The following AGAP1 variants were observed in gnomAD, a reference collection of about 807,000 sequenced individuals.
AGAP1 encodes the protein ArfGAP with GTPase domain, ankyrin repeat and PH domain 1.
AGAP1 carries 29 observed loss-of-function variants against 105.3 expected under a neutral mutation model. The observed-to-expected ratio is 0.28, with a 90% CI of 0.21 to 0.38. The LOEUF is 0.38. Ranked by LOEUF, AGAP1 falls within the 10% of genes least tolerant of loss-of-function variation. AGAP1 has a pLI of 1.00. For synonymous variants in AGAP1, 509 were observed against 485.9 expected, an observed-to-expected ratio of 1.05 and a Z score of -0.63; for missense variants, 998 against 1,165.1, an observed-to-expected ratio of 0.86 and a Z score of 2.09.
intron 11 of AGAP1, among the ~76,000 whole-genome samples, chr2:235,909,525 G>A (rs564548116): frequency 1.3e-5 from 2 of 152,148 alleles, no homozygotes; most frequent in African/African-American, 4.8e-5. Context: ...TTTTATTTAC[G>A]TTTTTGCAAA....
At chr2:235,707,472 A>AACC (rs1950593577) in intron 1 of AGAP1, among the ~76,000 whole-genome samples, 1 of 22,408 alleles carries the variant, frequency 4.5e-5, no homozygotes. Flanking sequence ...CCTCCCCATG[A>AACC]CCCCCCCCCC....
rs1310791906 is a variant in AGAP1, at chr2:235,842,992, G to C, written c.1050+35661G>C. 6.6e-6 allele frequency among the ~76,000 whole-genome samples: 1 copy of C among 152,232 alleles called. No individual in the cohort carries two copies. Among genetic ancestry groups the C allele is most frequent in the African/African-American group, 2.4e-5 (1 of 41,458 alleles). The stretch of plus-strand genomic sequence containing the variant: ...TCGGCCCGCCTCGGCCTCCCAAAGT[G>C]CTGGAGTTACAGGCGTTAGCTGCCG... On this transcript the variant is annotated intron_variant, in intron 9 of 17. Transcript: ENST00000304032. The surrounding 1 kb of genome is among the most constrained non-coding windows in gnomAD (Gnocchi z 5.3).
Position 235,930,976 on chromosome 2 carries a change from G to A in AGAP1, c.1483+53G>A. On this transcript the variant is annotated intron_variant, in intron 12 of 17. Transcript: ENST00000304032. This position sits in a 1 kb window ranked among gnomAD's most constrained non-coding sequence, Gnocchi z 7.9. ...CGCAGCCACCTCAAGGTCCTTCGTTGTAAGCCAGGGGCTGGACAGGACGCC... is the reference window on the plus strand; with the variant it reads ...CGCAGCCACCTCAAGGTCCTTCGTTATAAGCCAGGGGCTGGACAGGACGCC... The A allele has an allele frequency of 6.3e-7, 1 of 1,587,326 alleles. No homozygotes were observed. The highest frequency in any genetic ancestry group is 8.6e-7 in the Non-Finnish European group (1 of 1,165,914).
intron 13 of AGAP1, among the ~76,000 whole-genome samples, chr2:236,004,413 G>C (rs1420257731): frequency 6.6e-6 from 1 of 152,140 alleles, no homozygotes; most frequent in Non-Finnish European, 1.5e-5. Flanking sequence ...GCTCATTTCT[G>C]ATCATTAAAA....
In AGAP1 at chr2:236,003,465, G is replaced by A. The variant is rs141254471; in HGVS notation, c.1646-33096G>A. Among the ~76,000 whole-genome samples, 186 of 152,316 alleles carry A rather than the reference G, an allele frequency of 1.2e-3. 3 individuals carry two copies. The East Asian group carries it at 0.03, about 24-fold the overall frequency. On this transcript the variant is annotated intron_variant, in intron 13 of 17. Transcript: ENST00000304032. The surrounding 1 kb of genome is among the most constrained non-coding windows in gnomAD (Gnocchi z 4.2). The stretch of plus-strand genomic sequence containing the variant: ...TACCCACCTCTGTGTGTGGTCGCAC[G>A]TCCTCCTCATGGCCACGCTGGGATG...
intron 13 of AGAP1, among the ~76,000 whole-genome samples, chr2:236,010,892 A>G (rs1262795244): frequency 6.6e-6 from 1 of 152,174 alleles, no homozygotes; most frequent in Non-Finnish European, 1.5e-5. Context: ...AAAAAAGTAC[A>G]AAAAATTAGT....
chr2:235,738,183 T>C, intron 3 of AGAP1, among the ~76,000 whole-genome samples: 1 of 152,054 alleles, frequency 6.6e-6, no homozygotes, highest in South Asian at 2.1e-4. Context: ...GTGGGTGATT[T>C]CAATGAATGT....
rs1408867680 is a variant in AGAP1, at chr2:236,001,523, G to A, written c.1645+32900G>A. On this transcript the variant is annotated intron_variant, in intron 13 of 17. Coordinates refer to ENST00000304032, the MANE Select transcript of AGAP1 (RefSeq NM_001037131.3). The surrounding 1 kb of genome is among the most constrained non-coding windows in gnomAD (Gnocchi z 4.7). Reference sequence around the variant, plus strand: ...GCAGTGGTGACAGTGGCTTCCCCAGGCATCAGCGCCACAGGAGGAGAGACA... The same window carrying A: ...GCAGTGGTGACAGTGGCTTCCCCAGACATCAGCGCCACAGGAGGAGAGACA... 6.6e-6 allele frequency among the ~76,000 whole-genome samples: 1 copy of A among 152,144 alleles called. No individual in the cohort carries two copies. The highest frequency in any genetic ancestry group is 1.5e-5 in the Non-Finnish European group (1 of 68,020).
chr2:235,604,745 G>A (rs1234971288), intron 1 of AGAP1, among the ~76,000 whole-genome samples: 1 of 151,296 alleles, frequency 6.6e-6, no homozygotes, highest in Admixed American at 6.6e-5. Flanking sequence ...ACCACGCCTG[G>A]CTAATTTTTT....
intron 1 of AGAP1, among the ~76,000 whole-genome samples, chr2:235,567,806 T>C (rs1479301382): frequency 6.6e-6 from 1 of 151,358 alleles, no homozygotes; most frequent in Non-Finnish European, 1.5e-5. Flanking sequence ...GGTCTGGGCC[T>C]GTAGGGGAAG....
In AGAP1 at chr2:235,663,009, G is replaced by C. The variant is rs1179016708; in HGVS notation, c.164-46170G>C. On this transcript the variant is annotated intron_variant, in intron 1 of 17. Coordinates refer to ENST00000304032, the MANE Select transcript of AGAP1 (RefSeq NM_001037131.3). The surrounding 1 kb of genome is among the most constrained non-coding windows in gnomAD (Gnocchi z 5.4). The stretch of plus-strand genomic sequence containing the variant: ...TTTTCCTTCAAGCCTGGGGAACACC[G>C]AGCTAGGGACACGCTGGCTAATAGA... Among the ~76,000 whole-genome samples the C allele has an allele frequency of 1.3e-5, 2 of 152,152 alleles. No homozygotes were observed. The highest frequency in any genetic ancestry group is 2.9e-5 in the Non-Finnish European group (2 of 68,018).
chr2:235,706,198 ATTTAT>A (rs1024077022), intron 1 of AGAP1, among the ~76,000 whole-genome samples: 2 of 152,012 alleles, frequency 1.3e-5, no homozygotes, highest in Non-Finnish European at 2.9e-5. Context: ...GCATATGCAT[ATTTAT>A]TTTGTTTTGT....
intron 9 of AGAP1, among the ~76,000 whole-genome samples, chr2:235,851,132 T>C (rs1203309282): frequency 6.6e-6 from 1 of 152,242 alleles, no homozygotes; most frequent in African/African-American, 2.4e-5. Flanking sequence ...GTGTTAGCCT[T>C]GGACACAGCA....
Position 236,076,077 on chromosome 2 carries a change from C to G in AGAP1, c.2114+26796C>G, listed in dbSNP as rs963189479. 7.9e-5 allele frequency among the ~76,000 whole-genome samples: 12 copies of G among 152,338 alleles called. No homozygotes were observed. Among genetic ancestry groups the G allele is most frequent in the African/African-American group, 2.9e-4 (12 of 41,588 alleles). On this transcript the variant is annotated intron_variant, in intron 16 of 17. Transcript: ENST00000304032. This position sits in a 1 kb window ranked among gnomAD's most constrained non-coding sequence, Gnocchi z 4.4. ...CCAAGACCCGTGCTGTCATAACAGT[C>G]CTCCTTCAGAGACACCCCTCAATCA...
intron 1 of AGAP1, among the ~76,000 whole-genome samples, chr2:235,560,368 T>A (rs1944107675): frequency 6.6e-6 from 1 of 151,816 alleles, no homozygotes; most frequent in South Asian, 2.1e-4. Flanking sequence ...CACCTCCCCA[T>A]GCCTCCCTCC....
chr2:235,984,260 T>C (rs1330060620), intron 13 of AGAP1, among the ~76,000 whole-genome samples: 2 of 152,226 alleles, frequency 1.3e-5, no homozygotes, highest in Non-Finnish European at 2.9e-5. Flanking sequence ...ATGGATAATA[T>C]TCCATAGTGT....
In AGAP1 at chr2:235,765,346, G is replaced by A. The variant is rs532970821; in HGVS notation, c.673+14858G>A. ...CTGTGGGATGGGGGCACCTGCGAGCGCCCGTGGCAGCTGCTTTGCTTTCCC... is the reference window on the plus strand; with the variant it reads ...CTGTGGGATGGGGGCACCTGCGAGCACCCGTGGCAGCTGCTTTGCTTTCCC... On this transcript the variant is annotated intron_variant, in intron 6 of 17. Transcript: ENST00000304032. Among the ~76,000 whole-genome samples the A allele has an allele frequency of 6.8e-4, 104 of 152,026 alleles. 1 individual carries two copies. The highest frequency in any genetic ancestry group is 2.4e-3 in the African/African-American group (98 of 41,458).
At chr2:236,094,695 A>G (rs2125882841) in intron 16 of AGAP1, among the ~76,000 whole-genome samples, 1 of 152,172 alleles carries the variant, frequency 6.6e-6, no homozygotes, top group Non-Finnish European at 1.5e-5. Flanking sequence ...ATGTTCATTT[A>G]TTGAAGAAAT....
chr2:236,011,163 C>T (rs1281962691), intron 13 of AGAP1, among the ~76,000 whole-genome samples: 1 of 152,214 alleles, frequency 6.6e-6, no homozygotes, highest in Non-Finnish European at 1.5e-5. Context: ...GCTGTGATAC[C>T]CGCATGTAGC....
Sources: gnomAD v4.1 joint callset for allele counts (sites outside exome capture counted in the v4.1 genomes callset) on GRCh38, gnomAD v4.1.1 for gene constraint, Gnocchi (gnomAD v3.1) non-coding constraint, MANE v1.5 for transcripts, NCBI Gene and HGNC (gene_info 2026-07-23, HGNC 2026-07-21) for gene names.